NUP88: variants seen among roughly 807,000 people sequenced by gnomAD.
NUP88 encodes nucleoporin 88.
A neutral mutation model predicts 93.9 loss-of-function variants in NUP88; 57 were observed. The ratio of observed to expected loss-of-function variants is 0.61; its 90% CI spans 0.49 to 0.76. The LOEUF (loss-of-function observed/expected upper bound fraction) is 0.76, where lower values mean the gene tolerates loss of function less well. Ranked by LOEUF, NUP88 falls within the 30% of genes least tolerant of loss-of-function variation. The probability of loss-of-function intolerance (pLI) is 0.00; values close to 1 mark genes in which losing one functional copy is unlikely to be tolerated. For synonymous variants in NUP88, 346 were observed against 336.8 expected (o/e 1.03, Z -0.30); for missense variants, 911 against 901.0 (o/e 1.01, Z -0.14).
At chr17:5,399,997 G>A (rs1913042833) in intron 7 of NUP88, among the ~76,000 whole-genome samples, 1 of 151,868 alleles carries the variant, frequency 6.6e-6, no homozygotes, top group Admixed American at 6.6e-5. Flanking sequence ...TAGTAGGTAC[G>A]CAATAGTGTT....
Position 5,417,058 on chromosome 17 carries a change from C to T in NUP88, c.298-376G>A, listed in dbSNP as rs150620508. On this transcript the variant is annotated intron_variant, in intron 1 of 16. Coordinates refer to ENST00000573584, the MANE Select transcript of NUP88 (RefSeq NM_002532.6). ...CCAGGCTGGTCTGAACACCTGTTCC[C>T]GTGCTCACAAGATCCACCTGCCTCC... is the stretch of plus-strand genomic sequence containing the variant. 3.9e-5 allele frequency among the ~76,000 whole-genome samples: 6 copies of T among 152,142 alleles called. No individual in the cohort carries two copies. In the East Asian group the frequency reaches 7.7e-4, roughly 20 times the overall value.
At position 5,394,975 on chromosome 17, in the gene NUP88, T is replaced by A; in HGVS notation, c.1298A>T (p.Glu433Val). Residue 433 changes from glutamate to valine, a missense_variant, in exon 9 of 17, where the codon GAA becomes GTA. Glu to Val is a moderately radical substitution (Grantham distance 121, BLOSUM62 -2). Coordinates refer to ENST00000573584, the MANE Select transcript of NUP88 (RefSeq NM_002532.6). ...KLHKFLGSDEEDKDSLQELST... is the reference protein window; with the variant it reads ...KLHKFLGSDEVDKDSLQELST... Reference sequence around the variant, plus strand: ...GAGTTCCTGTAAACTATCCTTATCTTCTTCATCTACCATGGAAGACATTAC... The same window carrying A: ...GAGTTCCTGTAAACTATCCTTATCTACTTCATCTACCATGGAAGACATTAC... The A allele has an allele frequency of 6.3e-7, 1 of 1,590,104 alleles. No individual in the cohort carries two copies. Among genetic ancestry groups the A allele is most frequent in the Non-Finnish European group, 8.6e-7 (1 of 1,158,246 alleles).
chr17:5,413,479 C>G (rs1228957820), intron 3 of NUP88, among the ~76,000 whole-genome samples: 1 of 152,120 alleles, frequency 6.6e-6, no homozygotes, highest in Non-Finnish European at 1.5e-5. Flanking sequence ...TTACATAAGG[C>G]CGATCCAGAA....
chr17:5,392,560 G>A (rs542568650), intron 9 of NUP88, among the ~76,000 whole-genome samples: 130 of 152,158 alleles, frequency 8.5e-4, no homozygotes, highest in African/African-American at 3.0e-3. Context: ...CACACTACTG[G>A]GCTATACACT....
chr17:5,389,442 C>T (rs886361), intron 10 of NUP88, among the ~76,000 whole-genome samples: 66,363 of 152,032 alleles, frequency 0.44, 15,248 homozygotes, highest in East Asian at 0.84. Flanking sequence ...TCACAGACTT[C>T]GGCAGCATGG....
intron 7 of NUP88, among the ~76,000 whole-genome samples, chr17:5,402,715 C>A (rs1597324178): frequency 6.6e-6 from 1 of 151,856 alleles, no homozygotes. Flanking sequence ...TTTTTAAAGC[C>A]AAATAGGGCT....
chr17:5,404,790 C>T (rs1913396103), intron 6 of NUP88, among the ~76,000 whole-genome samples: 1 of 152,118 alleles, frequency 6.6e-6, no homozygotes, highest in Admixed American at 6.6e-5. Context: ...GATTCCAAGG[C>T]TCTTTGTATC....
In NUP88 at chr17:5,419,441, C is replaced by T; in HGVS notation, c.210G>A (p.Leu70=). 6.2e-7 allele frequency: 1 copy of T among 1,614,004 alleles called. No individual in the cohort carries two copies. The highest frequency in any genetic ancestry group is 2.2e-5 in the East Asian group (1 of 44,876). Reference sequence around the variant, plus strand: ...AGAAGGAGCTGTCTTCTCCGTCCCACAGGAAAAGCTCTCCGCCGAGGCCAA... The same window carrying T: ...AGAAGGAGCTGTCTTCTCCGTCCCATAGGAAAAGCTCTCCGCCGAGGCCAA... ...VVFGLGGELF[L]WDGEDSSFLV... The change falls in exon 1 of 17, where the codon CTG becomes CTA. Residue 70 remains leucine, a synonymous_variant. Coordinates refer to ENST00000573584, the MANE Select transcript of NUP88 (RefSeq NM_002532.6).
intron 7 of NUP88, 117 bp from the exon 8 acceptor site, chr17:5,399,767 T>C (rs1250527060): frequency 3.9e-6 from 2 of 518,056 alleles, no homozygotes; most frequent in Non-Finnish European, 7.0e-6. Flanking sequence ...TGGAAGGTTT[T>C]ATAAAAGACT....
chr17:5,407,694 C>T (rs1433441360), intron 5 of NUP88, among the ~76,000 whole-genome samples: 2 of 152,194 alleles, frequency 1.3e-5, no homozygotes, highest in Non-Finnish European at 2.9e-5. Flanking sequence ...TACTATCTTA[C>T]ACTGATTTAC....
chr17:5,387,362 C>G, intron 14 of NUP88, 24 bp downstream of exon 14: 3 of 1,595,420 alleles, frequency 1.9e-6, no homozygotes, highest in Non-Finnish European at 2.6e-6. Context: ...GACTAGGTAA[C>G]TAAATGTTAT....
At chr17:5,403,668 C>T (rs556249152) in intron 7 of NUP88, among the ~76,000 whole-genome samples, 1 of 151,796 alleles carries the variant, frequency 6.6e-6, no homozygotes, top group Non-Finnish European at 1.5e-5. Flanking sequence ...TCAACAACAA[C>T]AACAACAACA....
chr17:5,395,970 G>A (rs1362234434), intron 8 of NUP88, among the ~76,000 whole-genome samples: 6 of 152,084 alleles, frequency 3.9e-5, no homozygotes, highest in South Asian at 2.1e-4. Context: ...CAGCACTTTC[G>A]GAGGCCAAGG....
At chr17:5,414,218 GGAGT>G (rs1241142263) in intron 2 of NUP88, 84 bp from the exon 3 acceptor site, 1 of 1,269,482 alleles carries the variant, frequency 7.9e-7, no homozygotes, top group Non-Finnish European at 1.1e-6. Flanking sequence ...TTTTGCAGAT[GGAGT>G]TTCTCTCTTG....
intron 4 of NUP88, 125 bp from the exon 5 acceptor site, chr17:5,409,034 G>T: frequency 1.4e-6 from 1 of 737,530 alleles, no homozygotes; most frequent in Non-Finnish European, 2.1e-6. Flanking sequence ...GAATTTGTAG[G>T]CAATGGACTG....
intron 11 of NUP88, chr17:5,388,568 G>C (rs1490081006): frequency 5.1e-6 from 2 of 392,208 alleles, no homozygotes; most frequent in South Asian, 4.3e-5. Flanking sequence ...GATTACAGGT[G>C]TGAGCCACCA....
chr17:5,418,412 C>T (rs1054164352), intron 1 of NUP88, among the ~76,000 whole-genome samples: 4 of 151,960 alleles, frequency 2.6e-5, no homozygotes, highest in Admixed American at 6.6e-5. Context: ...CGCCACTACA[C>T]CTGGCTAATT....
rs778075865 is a variant in NUP88 at position 5,419,614 on chromosome 17, GCTCGCCGTCGCCCACCGGTCC to G, written c.16_36del (p.Gly6_Glu12del). Reference sequence around the variant, plus strand: ...TGGTTAGGAAGCCAGGTCTGCCACAGCTCGCCGTCGCCCACCGGTCCCTCGGCGGCCGCCATCTTGGCCCAA... The same window carrying G: ...TGGTTAGGAAGCCAGGTCTGCCACAGCTCGGCGGCCGCCATCTTGGCCCAA... On this transcript the variant is annotated inframe_deletion, in exon 1 of 17. Transcript: ENST00000573584. The G allele has an allele frequency of 6.3e-7, 1 of 1,597,532 alleles. No homozygotes were observed. Among genetic ancestry groups the G allele is most frequent in the Admixed American group, 1.7e-5 (1 of 59,824 alleles).
At chr17:5,398,525 G>A (rs956454077) in intron 8 of NUP88, among the ~76,000 whole-genome samples, 1 of 151,126 alleles carries the variant, frequency 6.6e-6, no homozygotes, top group Non-Finnish European at 1.5e-5. Context: ...CCCTGACCTC[G>A]GGTGATCCAC....
Sources: gnomAD v4.1 joint callset for allele counts (sites outside exome capture counted in the v4.1 genomes callset) on GRCh38, gnomAD v4.1.1 for gene constraint, MANE v1.5 for transcripts, NCBI Gene and HGNC (gene_info 2026-07-23, HGNC 2026-07-21) for gene names.